GALNT14: variants seen among roughly 807,000 people sequenced by gnomAD.
GALNT14 encodes UDP-GalNAc:polypeptide N-acetylgalactosaminyltransferase 14.
In GALNT14, 60 loss-of-function variants were observed where a neutral mutation model predicts 77.5. The ratio of observed to expected loss-of-function variants is 0.77; its 90% CI spans 0.63 to 0.96. The LOEUF is 0.96. Among genes scored for constraint, GALNT14 ranks in the 40% least tolerant of loss-of-function variants. The pLI is 0.00. For missense variants in GALNT14, 710 were observed against 731.0 expected, an observed-to-expected ratio of 0.97 and a Z score of 0.33; for synonymous variants, 280 against 281.7, an observed-to-expected ratio of 0.99 and a Z score of 0.06.
chr2:30,903,150 T>C, the GALNT14 span, among the ~76,000 whole-genome samples: 1 of 152,230 alleles, frequency 6.6e-6, no homozygotes, highest in African/African-American at 2.4e-5. Context: ...CTGCACACAC[T>C]CGACTCTTTA....
At chr2:31,044,020 A>G (rs1673265892) in intron 1 of GALNT14, among the ~76,000 whole-genome samples, 1 of 152,212 alleles carries the variant, frequency 6.6e-6, no homozygotes, top group Non-Finnish European at 1.5e-5. Flanking sequence ...GCAGGCTGCC[A>G]ACTTCATGTA....
At chr2:30,976,072 C>T (rs944394600) in intron 2 of GALNT14, among the ~76,000 whole-genome samples, 2 of 152,174 alleles carry the variant, frequency 1.3e-5, no homozygotes, top group Non-Finnish European at 2.9e-5. Context: ...GTTTGTTCCA[C>T]TGAATTATGA....
intron 1 of GALNT14, among the ~76,000 whole-genome samples, chr2:31,082,540 G>C (rs1450088226): frequency 2.6e-5 from 4 of 152,118 alleles, no homozygotes; most frequent in Admixed American, 2.6e-4. Context: ...ACATGAATTA[G>C]GTATTCAAGG....
chr2:30,917,496 C>G (rs1017597678), intron 13 of GALNT14, among the ~76,000 whole-genome samples: 5 of 152,320 alleles, frequency 3.3e-5, no homozygotes, highest in Non-Finnish European at 7.4e-5. Context: ...CCTGGGCAGT[C>G]TCTCCAAGCC....
chr2:30,975,595 C>T (rs1384899898), intron 2 of GALNT14, among the ~76,000 whole-genome samples: 1 of 151,944 alleles, frequency 6.6e-6, no homozygotes, highest in Non-Finnish European at 1.5e-5. Context: ...CTTCTTTTAC[C>T]TTTTTTAATG....
At chr2:30,912,690 G>A (rs1158395401) in intron 13 of GALNT14, among the ~76,000 whole-genome samples, 1 of 152,094 alleles carries the variant, frequency 6.6e-6, no homozygotes, top group African/African-American at 2.4e-5. Flanking sequence ...CATCTCGAGG[G>A]GGTCTGTTCC....
intron 1 of GALNT14, among the ~76,000 whole-genome samples, chr2:31,099,363 T>C (rs761586209): frequency 2.0e-5 from 3 of 152,052 alleles, no homozygotes; most frequent in Non-Finnish European, 4.4e-5. Context: ...CTTTGTCATG[T>C]GTCTTTTCAG....
At chr2:30,904,639 C>T in the GALNT14 span, among the ~76,000 whole-genome samples, 290 of 152,314 alleles carry the variant, frequency 1.9e-3, 4 homozygotes, top group South Asian at 0.014. Flanking sequence ...GGGGGAGGGG[C>T]GCCCGCCATT....
At chr2:30,938,474 T>C (rs891788394) in intron 9 of GALNT14, among the ~76,000 whole-genome samples, 1 of 152,018 alleles carries the variant, frequency 6.6e-6, no homozygotes, top group Non-Finnish European at 1.5e-5. Flanking sequence ...GTAGACACAT[T>C]ACATGTACAC....
the GALNT14 span, among the ~76,000 whole-genome samples, chr2:30,899,307 C>G: frequency 6.6e-6 from 1 of 152,218 alleles, no homozygotes; most frequent in African/African-American, 2.4e-5. Flanking sequence ...CCCTTTGCCC[C>G]AGCACTGTGG....
intron 2 of GALNT14, among the ~76,000 whole-genome samples, chr2:30,975,046 C>T (rs904786419): frequency 6.6e-6 from 1 of 152,082 alleles, no homozygotes; most frequent in Non-Finnish European, 1.5e-5. Context: ...CAAAGAGAGA[C>T]CAAAGAAATT....
At chr2:31,089,205 T>G (rs146284488) in intron 1 of GALNT14, among the ~76,000 whole-genome samples, 6 of 152,170 alleles carry the variant, frequency 3.9e-5, no homozygotes, top group Non-Finnish European at 5.9e-5. Context: ...CAATCTCAAC[T>G]CGAGTGGGAC....
At chr2:31,109,561 C>T (rs1677734140) in intron 1 of GALNT14, among the ~76,000 whole-genome samples, 1 of 152,172 alleles carries the variant, frequency 6.6e-6, no homozygotes, top group African/African-American at 2.4e-5. Context: ...AATTAGGATG[C>T]AGTGAAAATG....
At chr2:30,998,397 C>T (rs1359768073) in intron 1 of GALNT14, among the ~76,000 whole-genome samples, 1 of 152,090 alleles carries the variant, frequency 6.6e-6, no homozygotes, top group Non-Finnish European at 1.5e-5. Flanking sequence ...TTGTACATTC[C>T]CACTCATGCT....
At chr2:31,030,409 T>C (rs1361437870) in intron 1 of GALNT14, among the ~76,000 whole-genome samples, 2 of 152,086 alleles carry the variant, frequency 1.3e-5, no homozygotes, top group South Asian at 2.1e-4. Context: ...AGGAACTTAA[T>C]AGAGGCACTT....
chr2:31,105,232 A>T (rs1677496451), intron 1 of GALNT14, among the ~76,000 whole-genome samples: 1 of 152,136 alleles, frequency 6.6e-6, no homozygotes, highest in African/African-American at 2.4e-5. Context: ...TGATTATTTG[A>T]TATTTACTTT....
rs140659655 is a variant in GALNT14 at position 30,920,630 on chromosome 2, TACAC to T, written c.1380+3485_1380+3488del. ...AAGTCAGTCCTATGAGAGTGTATGC[TACAC>T]ACACACACACACACACACACACACA... On this transcript the variant is annotated intron_variant, in intron 13 of 14. Coordinates refer to ENST00000349752, the MANE Select transcript of GALNT14 (RefSeq NM_024572.4). Among the ~76,000 whole-genome samples the T allele has an allele frequency of 5.8e-3, 849 of 145,154 alleles. 2 individuals are homozygous for T. Among genetic ancestry groups the T allele is most frequent in the Non-Finnish European group, 9.2e-3 (603 of 65,594 alleles).
At position 30,929,395 on chromosome 2, in the gene GALNT14, T is replaced by A; in HGVS notation, c.1151A>T (p.Asn384Ile). 5 of 1,613,012 alleles carry A rather than the reference T, an allele frequency of 3.1e-6. No individual in the cohort carries two copies. Among genetic ancestry groups the A allele is most frequent in the Admixed American group, 1.7e-5 (1 of 60,022 alleles). ...RPFALERPFG[N>I]VESRLDLRKN... ...CTCCTCAACCTGAAGGGACACTTAC[T>A]TCCCGAAGGGCCTCTCCAGGGCGAA... is the stretch of plus-strand genomic sequence containing the variant. Residue 384 changes from asparagine to isoleucine, a missense_variant and splice_region_variant, in exon 11 of 15, where the codon AAT (asparagine) becomes ATT (isoleucine). Coordinates refer to ENST00000349752, the MANE Select transcript of GALNT14 (RefSeq NM_024572.4).
At chr2:31,030,691 C>T (rs1232616169) in intron 1 of GALNT14, among the ~76,000 whole-genome samples, 1 of 152,204 alleles carries the variant, frequency 6.6e-6, no homozygotes, top group East Asian at 1.9e-4. Flanking sequence ...TTCTCTCCTA[C>T]CTTCCAAATC....
Sources: allele counts gnomAD v4.1 joint callset (sites outside exome capture counted in the v4.1 genomes callset), GRCh38; gene constraint gnomAD v4.1.1; transcripts MANE v1.5; gene names NCBI Gene and HGNC (gene_info 2026-07-23, HGNC 2026-07-21).